The following ZNF883 variants were observed in gnomAD, a reference collection of about 807,000 sequenced individuals.
The protein encoded by ZNF883 is zinc finger protein 883.
intron 2 of ZNF883, among the ~76,000 whole-genome samples, chr9:113,007,998 G>A (rs1046313842): frequency 6.6e-5 from 10 of 152,070 alleles, no homozygotes; most frequent in Admixed American, 3.3e-4. Context: ...CTGCATCACC[G>A]GGACAGCATT....
intron 2 of ZNF883, among the ~76,000 whole-genome samples, chr9:113,007,630 G>T (rs1388640567): frequency 6.6e-6 from 1 of 152,166 alleles, no homozygotes; most frequent in Non-Finnish European, 1.5e-5. Flanking sequence ...GATGTTGTTA[G>T]AACAGTAAAG....
downstream of ZNF883, among the ~76,000 whole-genome samples, chr9:112,996,587 C>T (rs1002609420): frequency 8.6e-5 from 13 of 150,394 alleles, no homozygotes; most frequent in Non-Finnish European, 1.3e-4. Flanking sequence ...GTCAGGAGAT[C>T]GAGACCATCC....
At chr9:112,994,267 C>T (rs1020123734), downstream of ZNF883, among the ~76,000 whole-genome samples, 17 of 151,788 alleles carry the variant, frequency 1.1e-4, no homozygotes, top group African/African-American at 3.6e-4. Context: ...GTGTGGCTTC[C>T]AGGTGGGCCG....
chr9:113,006,581 A>T (rs1189940898), intron 2 of ZNF883, among the ~76,000 whole-genome samples: 1 of 152,158 alleles, frequency 6.6e-6, no homozygotes, highest in Non-Finnish European at 1.5e-5. Context: ...ACCTTGTGAT[A>T]TATCTGTAAC....
At chr9:112,993,356 G>A (rs1190051258), downstream of ZNF883, among the ~76,000 whole-genome samples, 4 of 152,142 alleles carry the variant, frequency 2.6e-5, no homozygotes, top group African/African-American at 9.7e-5. Context: ...TTTGCTGGGG[G>A]TCCCTCCCAT....
At position 113,006,127 on chromosome 9, in the gene ZNF883, G is replaced by A. The variant is rs1232272610; in HGVS notation, n.166-4054C>T. ...AAAAAAAAGAAACCAGCCTAAACCAGCTAGAATCAAGATGACAACAAAAGC... is the reference window on the plus strand; with the variant it reads ...AAAAAAAAGAAACCAGCCTAAACCAACTAGAATCAAGATGACAACAAAAGC... On this transcript the variant is annotated intron_variant and non_coding_transcript_variant, in intron 2 of 4. Coordinates refer to the ZNF883 transcript ENST00000638622. Among the ~76,000 whole-genome samples, 3 of 145,770 alleles carry A rather than the reference G, an allele frequency of 2.1e-5. No individual in the cohort carries two copies. In the East Asian group the frequency reaches 6.1e-4, roughly 29 times the overall value.
chr9:112,997,074 G>A (rs1331674422), downstream of ZNF883: 4 of 1,500,218 alleles, frequency 2.7e-6, no homozygotes, highest in African/African-American at 2.8e-5. Flanking sequence ...TGAGTGCTCA[G>A]GTGTAAACAA....
At chr9:112,990,754 TTTG>T (rs372787658) in intron 1 of ZNF883, among the ~76,000 whole-genome samples, 8 of 151,866 alleles carry the variant, frequency 5.3e-5, no homozygotes, top group African/African-American at 1.2e-4. Flanking sequence ...GGGCTTTTTT[TTTG>T]TTGTTGTTGG....
rs1194796092 is a variant in ZNF883 at position 113,004,136 on chromosome 9, CAG to C, written n.166-2065_166-2064del. On this transcript the variant is annotated intron_variant and non_coding_transcript_variant, in intron 2 of 4. Coordinates refer to the ZNF883 transcript ENST00000638622. Reference sequence around the variant, plus strand: ...AGTCATGTGATGAAAGAGCAGAGAACAGAGTTACGCAGCTGAAAGCTGAGGAA... The same window carrying C: ...AGTCATGTGATGAAAGAGCAGAGAACAGTTACGCAGCTGAAAGCTGAGGAA... Among the ~76,000 whole-genome samples, 9 of 152,320 alleles carry C rather than the reference CAG, an allele frequency of 5.9e-5. No individual in the cohort carries two copies. The East Asian group carries it at 1.5e-3, about 26-fold the overall frequency.
chr9:113,002,907 T>A (rs1322766092), upstream of ZNF883, among the ~76,000 whole-genome samples: 1 of 152,176 alleles, frequency 6.6e-6, no homozygotes, highest in East Asian at 1.9e-4. Context: ...AAGGATACAG[T>A]GTTCACTGCA....
At chr9:113,000,562 A>T (rs1204151889), upstream of ZNF883, among the ~76,000 whole-genome samples, 1 of 152,090 alleles carries the variant, frequency 6.6e-6, no homozygotes, top group Non-Finnish European at 1.5e-5. Context: ...AAGTGTAGAT[A>T]AGACATAAAA....
chr9:112,997,617 C>CACATTCATT lies in ZNF883; in HGVS notation n.634_642dup, dbSNP rs1209035857. 3 of 1,613,806 alleles carry CACATTCATT rather than the reference C, an allele frequency of 1.9e-6. No homozygotes were observed. The African/African-American group carries it at 4.0e-5, about 22-fold the overall frequency. On this transcript the variant is annotated non_coding_transcript_exon_variant, in exon 1 of 1. Transcript: ENST00000639662. The stretch of plus-strand genomic sequence containing the variant: ...GCTGGGGTATGGCTGAAAGCTTTCC[C>CACATTCATT]ACATTCATTACATTCATATGGTTTC...
intron 2 of ZNF883, among the ~76,000 whole-genome samples, chr9:113,008,850 G>A (rs971180100): frequency 6.6e-6 from 1 of 151,858 alleles, no homozygotes; most frequent in Non-Finnish European, 1.5e-5. Flanking sequence ...GGAGTATAAT[G>A]GGAATACTTC....
At chr9:112,998,571 T>C (rs1208110924), upstream of ZNF883, 1 of 206,788 alleles carries the variant, frequency 4.8e-6, no homozygotes, top group Admixed American at 5.5e-5. Context: ...ATTCCAGAAA[T>C]AAACAATTCA....
exon 1 of ZNF883, chr9:112,998,156 T>C (rs1344573872): frequency 1.2e-6 from 2 of 1,613,840 alleles, no homozygotes; most frequent in African/African-American, 1.3e-5. Flanking sequence ...TTCTCCAATA[T>C]GTGTTTTCTG....
chr9:113,001,052 C>T (rs913338347), upstream of ZNF883, among the ~76,000 whole-genome samples: 1 of 151,992 alleles, frequency 6.6e-6, no homozygotes, highest in African/African-American at 2.4e-5. Flanking sequence ...CCAAACACAG[C>T]AGAAAGTCTG....
At chr9:113,003,101 GTGTCCCCACCCAAATCTCACCTGGAAT>G (rs1309986979), upstream of ZNF883, among the ~76,000 whole-genome samples, 3 of 152,174 alleles carry the variant, frequency 2.0e-5, no homozygotes, top group Non-Finnish European at 4.4e-5. Flanking sequence ...TGATTTTGCT[GTGTCCCCACCCAAATCTCACCTGGAAT>G]TGTCCCCACA....
chr9:113,005,538 G>A (rs1828466321), intron 2 of ZNF883, among the ~76,000 whole-genome samples: 2 of 152,100 alleles, frequency 1.3e-5, no homozygotes, highest in African/African-American at 4.8e-5. Context: ...GAAAATGGCT[G>A]CTCTCATATA....
intron 2 of ZNF883, among the ~76,000 whole-genome samples, chr9:113,010,380 T>C (rs1194614407): frequency 1.3e-5 from 2 of 152,210 alleles, no homozygotes; most frequent in African/African-American, 4.8e-5. Flanking sequence ...CTTACAGCCC[T>C]CTCGTAAGTG....
Sources: gnomAD v4.1 joint callset for allele counts (sites outside exome capture counted in the v4.1 genomes callset) on GRCh38, gnomAD v4.1.1 for gene constraint, MANE v1.5 for transcripts, NCBI Gene and HGNC (gene_info 2026-07-23, HGNC 2026-07-21) for gene names.